Variants in LHFPL3 observed in about 807,000 individuals in gnomAD.
LHFPL3 encodes LHFPL tetraspan subfamily member 3.
Under a neutral mutation model 19.3 loss-of-function variants are expected in LHFPL3, and 5 were observed. That is an observed-to-expected ratio of 0.26 (90% CI 0.14 to 0.54). The LOEUF is 0.54. LHFPL3 is among the 20% of genes least tolerant of loss of function. LHFPL3 has a pLI of 0.94. For synonymous variants in LHFPL3, 133 were observed against 126.2 expected (o/e 1.05, Z -0.36); for missense variants, 249 against 307.4 (o/e 0.81, Z 1.42).
intron 1 of LHFPL3, chr7:104,668,236 A>G: frequency 6.2e-7 from 1 of 1,613,060 alleles, no homozygotes; most frequent in Non-Finnish European, 8.5e-7. Flanking sequence ...TCTCTAAGTA[A>G]CAGGAGAATT....
At chr7:104,490,563 C>T (rs970437805) in intron 1 of LHFPL3, among the ~76,000 whole-genome samples, 13 of 152,160 alleles carry the variant, frequency 8.5e-5, no homozygotes, top group African/African-American at 2.2e-4. Flanking sequence ...TACCATTAGG[C>T]GCCTTAAAAC....
In LHFPL3 at chr7:104,525,751, C is replaced by T. The variant is rs184968166; in HGVS notation, c.445+196527C>T. On this transcript the variant is annotated intron_variant, in intron 1 of 2. Coordinates refer to ENST00000424859, the MANE Select transcript of LHFPL3 (RefSeq NM_199000.3). ...CCTGCAGAGTAGCTGGGATTACAAG[C>T]GCGTACCTCCACGCCAGGCTAATTT... Among the ~76,000 whole-genome samples the T allele has an allele frequency of 1.3e-3, 200 of 151,984 alleles. 1 individual carries two copies. Among genetic ancestry groups the T allele is most frequent in the African/African-American group, 4.6e-3 (190 of 41,474 alleles).
intron 2 of LHFPL3, among the ~76,000 whole-genome samples, chr7:104,763,457 T>C (rs1287660625): frequency 6.6e-6 from 1 of 152,220 alleles, no homozygotes; most frequent in Non-Finnish European, 1.5e-5. Context: ...ACTATATTGT[T>C]TTCCTATACA....
At chr7:104,514,163 C>T (rs1201006806) in intron 1 of LHFPL3, among the ~76,000 whole-genome samples, 3 of 152,162 alleles carry the variant, frequency 2.0e-5, no homozygotes, top group Non-Finnish European at 4.4e-5. Context: ...ATATGCCATT[C>T]TCTGATACAG....
In LHFPL3 at chr7:104,845,020, G is replaced by A. The variant is rs935833000; in HGVS notation, c.683-61167G>A. 3.3e-5 allele frequency among the ~76,000 whole-genome samples: 5 copies of A among 152,216 alleles called. No individual in the cohort carries two copies. In the East Asian group the frequency reaches 9.6e-4, roughly 29 times the overall value. ...CTCCCAAAGTGTTGGGATTACAGGC[G>A]TAAGCCACCGCACCCGGCCTCTAAG... On this transcript the variant is annotated intron_variant, in intron 2 of 2. Transcript: ENST00000424859.
At chr7:104,702,388 G>A (rs1353319343) in intron 1 of LHFPL3, among the ~76,000 whole-genome samples, 1 of 152,022 alleles carries the variant, frequency 6.6e-6, no homozygotes, top group Non-Finnish European at 1.5e-5. Flanking sequence ...TCTTGCTCTT[G>A]TCACAGCTTT....
chr7:104,417,619 T>C (rs1051123908), intron 1 of LHFPL3, among the ~76,000 whole-genome samples: 9 of 152,228 alleles, frequency 5.9e-5, no homozygotes, highest in African/African-American at 2.2e-4. Context: ...TTTGCTGCCA[T>C]TGTTTTTGCT....
chr7:104,499,249 A>T lies in LHFPL3; in HGVS notation c.445+170025A>T, dbSNP rs564260979. ...CAACCTGTTGGGTAATGTTAGAAAC[A>T]CCACTTAACCTTCATCTACCTATTT... On this transcript the variant is annotated intron_variant, in intron 1 of 2. Coordinates refer to ENST00000424859, the MANE Select transcript of LHFPL3 (RefSeq NM_199000.3). 1.2e-4 allele frequency among the ~76,000 whole-genome samples: 19 copies of T among 152,358 alleles called. No homozygotes were observed. The South Asian group carries it at 3.9e-3, about 32-fold the overall frequency.
intron 2 of LHFPL3, among the ~76,000 whole-genome samples, chr7:104,800,496 TCAAA>T (rs1343437857): frequency 6.6e-6 from 1 of 152,190 alleles, no homozygotes; most frequent in East Asian, 1.9e-4. Context: ...TCCCATTGTC[TCAAA>T]CACCCACAAC....
At chr7:104,514,861 C>A (rs1381864289) in intron 1 of LHFPL3, among the ~76,000 whole-genome samples, 2 of 152,158 alleles carry the variant, frequency 1.3e-5, no homozygotes, top group East Asian at 3.8e-4. Context: ...TATCTAAAAT[C>A]TGACACAATT....
At chr7:104,756,746 C>T (rs1049971779) in intron 2 of LHFPL3, among the ~76,000 whole-genome samples, 1 of 152,136 alleles carries the variant, frequency 6.6e-6, no homozygotes, top group African/African-American at 2.4e-5. Context: ...TTGATCCACC[C>T]ACTTCGGCCT....
chr7:104,624,785 G>A (rs541222327), intron 1 of LHFPL3, among the ~76,000 whole-genome samples: 2 of 152,308 alleles, frequency 1.3e-5, no homozygotes, highest in East Asian at 3.9e-4. Context: ...ATCTATGAAA[G>A]ATGTGCTTTT....
rs1237750223 is a variant in LHFPL3 at position 104,328,685 on chromosome 7, AGCG to A, written c.-94_-92del. 16 of 1,111,202 alleles carry A rather than the reference AGCG, an allele frequency of 1.4e-5. No homozygotes were observed. Among genetic ancestry groups the A allele is most frequent in the Non-Finnish European group, 1.8e-5 (14 of 775,330 alleles). 68.8% of individuals were successfully genotyped at this position (1,111,202 alleles called of 1,614,324 possible). A position where few individuals can be genotyped will look rare whatever the true frequency, so the allele number is the denominator to read the frequency against. ...GCTGAGGCGGAGGCAGGGGAGTTGCAGCGCGCGAGGCTCCGTGAGTGTGTCTCC... is the reference window on the plus strand; with the variant it reads ...GCTGAGGCGGAGGCAGGGGAGTTGCACGCGAGGCTCCGTGAGTGTGTCTCC... On this transcript the variant is annotated 5_prime_UTR_variant, in exon 1 of 3. Transcript: ENST00000424859. The surrounding 1 kb of genome is among the most constrained non-coding windows in gnomAD (Gnocchi z 4.6).
intron 1 of LHFPL3, among the ~76,000 whole-genome samples, chr7:104,611,399 G>A (rs1791211042): frequency 6.6e-6 from 1 of 152,164 alleles, no homozygotes; most frequent in Admixed American, 6.5e-5. Flanking sequence ...AGCAATACAG[G>A]CCACGTGGGG....
At chr7:104,734,082 G>A (rs1359185688) in intron 1 of LHFPL3, among the ~76,000 whole-genome samples, 1 of 152,222 alleles carries the variant, frequency 6.6e-6, no homozygotes, top group Non-Finnish European at 1.5e-5. Context: ...AGTTTCTGCT[G>A]AGAGATCAGC....
At position 104,474,447 on chromosome 7, in the gene LHFPL3, G is replaced by A. The variant is rs143734277; in HGVS notation, c.445+145223G>A. Among the ~76,000 whole-genome samples the A allele has an allele frequency of 1.7e-3, 261 of 152,028 alleles. 4 individuals are homozygous for A. In the East Asian group the frequency reaches 0.046, roughly 27 times the overall value. ...TGGGAGGTCGAGGCAGGCGCATCAC[G>A]AGGTCAGGAGATCAAGACCATCCTG... On this transcript the variant is annotated intron_variant, in intron 1 of 2. Transcript: ENST00000424859.
chr7:104,478,874 C>T (rs2115648364), intron 1 of LHFPL3, among the ~76,000 whole-genome samples: 1 of 152,298 alleles, frequency 6.6e-6, no homozygotes, highest in Non-Finnish European at 1.5e-5. Context: ...GAGTATTAGG[C>T]AGTACCAGGA....
chr7:104,393,357 A>T (rs1791117163), intron 1 of LHFPL3, among the ~76,000 whole-genome samples: 1 of 151,820 alleles, frequency 6.6e-6, no homozygotes, highest in African/African-American at 2.4e-5. Flanking sequence ...ACAAAAACAT[A>T]TGCATGAAGA....
chr7:104,476,961 G>A (rs868713525), intron 1 of LHFPL3, among the ~76,000 whole-genome samples: 1 of 152,064 alleles, frequency 6.6e-6, no homozygotes, highest in Non-Finnish European at 1.5e-5. Context: ...TCATTGTGAT[G>A]CCAATCTCCA....
Sources: allele counts gnomAD v4.1 joint callset (sites outside exome capture counted in the v4.1 genomes callset), GRCh38; gene constraint gnomAD v4.1.1; non-coding constraint Gnocchi (gnomAD v3.1); transcripts MANE v1.5; gene names NCBI Gene and HGNC (gene_info 2026-07-23, HGNC 2026-07-21).